Variants in ACCSL observed in about 807,000 individuals in gnomAD.
ACCSL encodes 1-aminocyclopropane-1-carboxylate synthase homolog (inactive) like.
Under a neutral mutation model 61.7 loss-of-function variants are expected in ACCSL, and 55 were observed. The observed-to-expected ratio is 0.89, with a 90% confidence interval of 0.72 to 1.12. ACCSL has a LOEUF of 1.12. Ranked by LOEUF, ACCSL falls within the 50% of genes most tolerant of loss-of-function variation. The pLI, the probability that ACCSL is intolerant of heterozygous loss-of-function variation, is 0.00. For missense variants in ACCSL, 632 were observed against 698.0 expected (o/e 0.91, Z 1.07); for synonymous variants, 258 against 264.3 (o/e 0.98, Z 0.23).
intron 5 of ACCSL, among the ~76,000 whole-genome samples, chr11:44,052,053 C>T (rs970476072): frequency 2.0e-5 from 3 of 152,214 alleles, no homozygotes; most frequent in African/African-American, 7.2e-5. Context: ...ATATAGATTT[C>T]TTATCTCTTC....
chr11:44,042,170 T>C, the ACCSL span, among the ~76,000 whole-genome samples: 1 of 152,200 alleles, frequency 6.6e-6, no homozygotes, highest in African/African-American at 2.4e-5. Flanking sequence ...TTTATCACTA[T>C]TTATTTGACT....
At chr11:43,962,954 G>T in the ACCSL span, among the ~76,000 whole-genome samples, 7 of 152,272 alleles carry the variant, frequency 4.6e-5, no homozygotes, top group African/African-American at 1.7e-4. Context: ...TGCCTGCTCC[G>T]GTTTTGCCCA....
the ACCSL span, among the ~76,000 whole-genome samples, chr11:44,038,964 G>T: frequency 0.06 from 9,083 of 152,210 alleles, 501 homozygotes; most frequent in African/African-American, 0.14. Flanking sequence ...AGGAAATAGG[G>T]GATCAGACTT....
At chr11:43,956,942 T>C in the ACCSL span, among the ~76,000 whole-genome samples, 1 of 152,130 alleles carries the variant, frequency 6.6e-6, no homozygotes, top group Non-Finnish European at 1.5e-5. Flanking sequence ...GGTGAATGGT[T>C]TCCTACATGT....
the ACCSL span, among the ~76,000 whole-genome samples, chr11:43,999,355 G>A: frequency 6.6e-6 from 1 of 152,158 alleles, no homozygotes; most frequent in East Asian, 1.9e-4. Context: ...AGCTTAGCTG[G>A]GTCCTCTACT....
chr11:44,044,572 C>G (rs1274887303), upstream of ACCSL, among the ~76,000 whole-genome samples: 1 of 151,984 alleles, frequency 6.6e-6, no homozygotes, highest in African/African-American at 2.4e-5. Flanking sequence ...CTTGCCATAC[C>G]CAGAAGGAAG....
chr11:43,943,645 G>T, the ACCSL span: 6 of 1,305,400 alleles, frequency 4.6e-6, no homozygotes, highest in Non-Finnish European at 6.1e-6. This position sits in a 1 kb window ranked among gnomAD's most constrained non-coding sequence, Gnocchi z 4.8. Context: ...CCGCTCCACC[G>T]TGCCCCCCAG....
At chr11:43,940,722 CT>C in the ACCSL span, among the ~76,000 whole-genome samples, 3 of 151,408 alleles carry the variant, frequency 2.0e-5, no homozygotes, top group Admixed American at 6.6e-5. Flanking sequence ...TCCCATCCCC[CT>C]CTCTCACTCT....
chr11:43,982,607 G>A, the ACCSL span, among the ~76,000 whole-genome samples: 19 of 152,208 alleles, frequency 1.2e-4, no homozygotes, highest in African/African-American at 3.9e-4. Context: ...AGGCAGGTGC[G>A]GATGTGTCTG....
At chr11:44,043,339 T>C (rs117663495), upstream of ACCSL, among the ~76,000 whole-genome samples, 214 of 152,294 alleles carry the variant, frequency 1.4e-3, 2 homozygotes, top group Admixed American at 2.7e-3. Context: ...GTATTGCCTG[T>C]GGAAATACTG....
the ACCSL span, among the ~76,000 whole-genome samples, chr11:44,004,717 G>A: frequency 3.3e-5 from 5 of 152,146 alleles, no homozygotes; most frequent in Non-Finnish European, 5.9e-5. Flanking sequence ...GAGATGCACT[G>A]AACTTTGCTC....
At chr11:43,942,855 C>G in the ACCSL span, 2 of 1,211,746 alleles carry the variant, frequency 1.7e-6, no homozygotes, top group Non-Finnish European at 2.1e-6. Flanking sequence ...CGGCCGCCCT[C>G]GGAGAGCCCC....
At chr11:43,994,315 C>T in the ACCSL span, among the ~76,000 whole-genome samples, 6 of 152,248 alleles carry the variant, frequency 3.9e-5, no homozygotes, top group East Asian at 1.2e-3. Context: ...TCCAAGTTGC[C>T]AGTCTAACAG....
chr11:43,930,832 C>T, the ACCSL span, among the ~76,000 whole-genome samples: 141 of 152,292 alleles, frequency 9.3e-4, 1 homozygote, highest in Non-Finnish European at 2.9e-4. Context: ...CATGCACACA[C>T]GCACACACAC....
chr11:43,967,786 T>C, the ACCSL span, among the ~76,000 whole-genome samples: 4 of 152,212 alleles, frequency 2.6e-5, no homozygotes, highest in African/African-American at 9.6e-5. Flanking sequence ...AGTTGGATTT[T>C]CATGCCCAGC....
the ACCSL span, among the ~76,000 whole-genome samples, chr11:43,962,097 C>A: frequency 6.6e-6 from 1 of 152,098 alleles, no homozygotes; most frequent in East Asian, 1.9e-4. Context: ...CATCTCTCCC[C>A]CTCCCTCTCT....
At chr11:44,045,375 G>C (rs980258338), upstream of ACCSL, among the ~76,000 whole-genome samples, 7 of 152,162 alleles carry the variant, frequency 4.6e-5, no homozygotes, top group Admixed American at 4.6e-4. Flanking sequence ...AGGAGGCAGA[G>C]GTTGCAGTGA....
the ACCSL span, chr11:43,925,441 A>G: frequency 1.1e-5 from 5 of 455,998 alleles, no homozygotes; most frequent in Admixed American, 1.2e-4. Context: ...AGGTGGCTGG[A>G]TATGTGGCAA....
the ACCSL span, among the ~76,000 whole-genome samples, chr11:44,030,057 ATTTTTTTTTTTTTTT>A: frequency 1.1e-3 from 5 of 4,454 alleles, no homozygotes; most frequent in Admixed American, 0.01. Context: ...TCTTTGGTTG[ATTTTTTTTTTTTTTT>A]TTTTTTTTTT....
Sources: gnomAD v4.1 joint callset for allele counts (sites outside exome capture counted in the v4.1 genomes callset) on GRCh38, gnomAD v4.1.1 for gene constraint, Gnocchi (gnomAD v3.1) non-coding constraint, MANE v1.5 for transcripts, NCBI Gene and HGNC (gene_info 2026-07-23, HGNC 2026-07-21) for gene names.